DENND6A: variants seen among roughly 807,000 people sequenced by gnomAD.
The protein encoded by DENND6A is DENN domain containing 6A, also known as protein DENND6A.
A neutral mutation model predicts 95.5 loss-of-function variants in DENND6A; 43 were observed. That is an observed-to-expected ratio of 0.45 (90% CI 0.35 to 0.58). The LOEUF (loss-of-function observed/expected upper bound fraction) is 0.58. Among genes scored for constraint, DENND6A ranks in the 20% least tolerant of loss-of-function variants. The pLI is 0.00. For missense variants in DENND6A, 574 were observed against 736.0 expected (o/e 0.78, Z 2.55); for synonymous variants, 257 against 260.4 (o/e 0.99, Z 0.13).
At chr3:57,674,097 A>G (rs1265179703) in intron 1 of DENND6A, among the ~76,000 whole-genome samples, 1 of 151,550 alleles carries the variant, frequency 6.6e-6, no homozygotes, top group African/African-American at 2.4e-5. Flanking sequence ...AATACTGGGA[A>G]GCCGGCCGGG....
chr3:57,672,858 T>C (rs2071640934), intron 1 of DENND6A, among the ~76,000 whole-genome samples: 1 of 151,900 alleles, frequency 6.6e-6, no homozygotes. Context: ...GTCAAATCAC[T>C]TTCAGAAATA....
At chr3:57,663,478 AAAAAAAAAAAT>A (rs1353359850) in intron 5 of DENND6A, among the ~76,000 whole-genome samples, 147 bp downstream of exon 5, 3 of 128,350 alleles carry the variant, frequency 2.3e-5, no homozygotes, top group Non-Finnish European at 3.2e-5. Flanking sequence ...AAAAAAAAAA[AAAAAAAAAAAT>A]ATATATATAC....
chr3:57,643,006 C>CAAAAAAA (rs35913249), intron 11 of DENND6A, among the ~76,000 whole-genome samples: 1 of 104,566 alleles, frequency 9.6e-6, no homozygotes, highest in African/African-American at 4.1e-5. Context: ...GACTTCATCT[C>CAAAAAAA]AAAAAAAAAA....
Position 57,672,904 on chromosome 3 carries a change from T to C in DENND6A, c.238-466A>G, listed in dbSNP as rs143888521. On this transcript the variant is annotated intron_variant, in intron 1 of 19. Transcript: ENST00000311128. ...GCACGGATAAAGAAAATGCAGTACA[T>C]ATACATAATGGGATATTATTCAGCC... Among the ~76,000 whole-genome samples, 4 of 151,676 alleles carry C rather than the reference T, an allele frequency of 2.6e-5. No homozygotes were observed. In the South Asian group the frequency reaches 6.2e-4, roughly 24 times the overall value.
At chr3:57,679,118 A>G (rs963025190) in intron 1 of DENND6A, among the ~76,000 whole-genome samples, 1 of 152,202 alleles carries the variant, frequency 6.6e-6, no homozygotes, top group Non-Finnish European at 1.5e-5. Context: ...CAAAAACAAA[A>G]CAAAACAAAA....
At chr3:57,657,181 C>T (rs2071343423) in intron 9 of DENND6A, among the ~76,000 whole-genome samples, 1 of 152,142 alleles carries the variant, frequency 6.6e-6, no homozygotes, top group Admixed American at 6.6e-5. Flanking sequence ...TTTCTAAGTG[C>T]TAACAGTATC....
chr3:57,685,203 G>A (rs1010992942), intron 1 of DENND6A, among the ~76,000 whole-genome samples: 5 of 151,752 alleles, frequency 3.3e-5, no homozygotes, highest in Non-Finnish European at 5.9e-5. Context: ...GATTACAGGC[G>A]TGAGCCACCA....
At chr3:57,628,941 C>CT in intron 18 of DENND6A, 56 bp from the exon 19 acceptor site, 1 of 1,482,860 alleles carries the variant, frequency 6.7e-7, no homozygotes, top group East Asian at 2.3e-5. Context: ...TCAAACCTCT[C>CT]TATTTCAATA....
Position 57,642,545 on chromosome 3 carries a change from C to T in DENND6A, c.1038-798G>A, listed in dbSNP as rs936115400. On this transcript the variant is annotated intron_variant, in intron 11 of 19. Transcript: ENST00000311128. ...TAGAACTACACAGAGTTTAGCATTCCTGGAGCAAAAGCAGAAAGGATGAAT... is the reference window on the plus strand; with the variant it reads ...TAGAACTACACAGAGTTTAGCATTCTTGGAGCAAAAGCAGAAAGGATGAAT... Among the ~76,000 whole-genome samples, 69 of 151,992 alleles carry T rather than the reference C, an allele frequency of 4.5e-4. 1 individual carries two copies. The highest frequency in any genetic ancestry group is 2.6e-4 in the Non-Finnish European group (18 of 68,006).
chr3:57,665,780 T>C (rs1456486331), intron 4 of DENND6A, among the ~76,000 whole-genome samples: 1 of 152,194 alleles, frequency 6.6e-6, no homozygotes, highest in Non-Finnish European at 1.5e-5. Context: ...AACTATGTTA[T>C]CAAGTATGAC....
At chr3:57,666,005 A>G (rs1306323989) in intron 4 of DENND6A, 118 bp downstream of exon 4, 1 of 725,372 alleles carries the variant, frequency 1.4e-6, no homozygotes, top group African/African-American at 1.8e-5. Flanking sequence ...AAATTCAGCT[A>G]TATAATATAG....
chr3:57,667,210 A>G (rs1234612318), intron 3 of DENND6A, among the ~76,000 whole-genome samples: 1 of 152,042 alleles, frequency 6.6e-6, no homozygotes, highest in African/African-American at 2.4e-5. Flanking sequence ...TTGTATTTTT[A>G]GTAGAGATGG....
At chr3:57,662,323 T>C (rs1188022024) in intron 5 of DENND6A, among the ~76,000 whole-genome samples, 1 of 151,346 alleles carries the variant, frequency 6.6e-6, no homozygotes, top group Admixed American at 6.6e-5. Flanking sequence ...CCTGAGTAGC[T>C]GGGACTACAG....
chr3:57,655,275 C>G (rs959768159), intron 9 of DENND6A, among the ~76,000 whole-genome samples: 9 of 152,150 alleles, frequency 5.9e-5, no homozygotes, highest in African/African-American at 1.2e-4. Context: ...CCTCATGATC[C>G]GCCCGCCTCG....
intron 9 of DENND6A, 175 bp downstream of exon 9, chr3:57,657,505 A>AGGG: frequency 2.6e-6 from 1 of 385,082 alleles, no homozygotes; most frequent in East Asian, 4.5e-5. Flanking sequence ...AATTTCCCTA[A>AGGG]TTGTCAAAGC....
At chr3:57,687,520 G>T (rs2077221468) in intron 1 of DENND6A, among the ~76,000 whole-genome samples, 1 of 152,084 alleles carries the variant, frequency 6.6e-6, no homozygotes, top group African/African-American at 2.4e-5. Context: ...AAAAGATGAA[G>T]GTGGCTACAC....
chr3:57,646,167 A>G, intron 10 of DENND6A, 149 bp downstream of exon 10: 1 of 1,134,134 alleles, frequency 8.8e-7, no homozygotes, highest in East Asian at 2.6e-5. Flanking sequence ...TATAATAAGC[A>G]TTACCTTCTG....
At chr3:57,658,571 C>G (rs1019510001) in intron 8 of DENND6A, among the ~76,000 whole-genome samples, 1 of 152,142 alleles carries the variant, frequency 6.6e-6, no homozygotes. Flanking sequence ...GATTAATTTG[C>G]AACTGTATGA....
intron 1 of DENND6A, among the ~76,000 whole-genome samples, chr3:57,674,643 A>C (rs2071679788): frequency 6.6e-6 from 1 of 152,042 alleles, no homozygotes; most frequent in Non-Finnish European, 1.5e-5. Context: ...TATCTCAAAA[A>C]ATAAATAAAT....
Sources: allele counts gnomAD v4.1 joint callset (sites outside exome capture counted in the v4.1 genomes callset), GRCh38; gene constraint gnomAD v4.1.1; transcripts MANE v1.5; gene names NCBI Gene and HGNC (gene_info 2026-07-23, HGNC 2026-07-21).